MUC6: variants seen among roughly 807,000 people sequenced by gnomAD.
MUC6 encodes mucin-6.
A neutral mutation model predicts 201.5 loss-of-function variants in MUC6; 188 were observed. The ratio of observed to expected loss-of-function variants is 0.93; its 90% CI spans 0.83 to 1.05. The LOEUF is 1.05. Ranked by LOEUF, MUC6 falls within the 50% of genes least tolerant of loss-of-function variation. The pLI, the probability that MUC6 is intolerant of heterozygous loss-of-function variation, is 0.00. For synonymous variants in MUC6, 1,228 were observed against 1,389.4 expected, an observed-to-expected ratio of 0.88 and a Z score of 2.58; for missense variants, 2,706 against 3,256.9, an observed-to-expected ratio of 0.83 and a Z score of 4.12.
chr11:1,019,790 T>G lies in MUC6; in HGVS notation c.3809-294A>C. 7 of 620,750 alleles carry G rather than the reference T, an allele frequency of 1.1e-5. No homozygotes were observed. In the South Asian group the frequency reaches 1.4e-4, roughly 12 times the overall value. 38.5% of individuals were successfully genotyped at this position (620,750 alleles called of 1,614,324 possible). ...CCCTCCAGGGTCCCTGGGCAGCAGA[T>G]GGGGCCCTGCTCGGTGTGGGGCAGG... On this transcript the variant is annotated intron_variant, in intron 29 of 32. Transcript: ENST00000421673.
intron 1 of MUC6, among the ~76,000 whole-genome samples, chr11:1,034,707 G>T (rs1032105839): frequency 6.6e-6 from 1 of 152,202 alleles, no homozygotes; most frequent in African/African-American, 2.4e-5. Flanking sequence ...CCACCTTTCC[G>T]ATGGGGGGTG....
rs755751011 is a variant in MUC6, at chr11:1,033,162, G to A, written c.53-87C>T. 116 of 1,330,406 alleles carry A rather than the reference G, an allele frequency of 8.7e-5. No homozygotes were observed. Among genetic ancestry groups the A allele is most frequent in the East Asian group, 1.6e-4 (7 of 43,084 alleles). 82.4% of individuals were successfully genotyped at this position (1,330,406 alleles called of 1,614,324 possible). ...ACCTCTGCTCAGGGCTGCTCCGCCCGTTTCCCTGCACACACTCGGCGTGCG... is the reference window on the plus strand; with the variant it reads ...ACCTCTGCTCAGGGCTGCTCCGCCCATTTCCCTGCACACACTCGGCGTGCG... On this transcript the variant is annotated intron_variant, in intron 1 of 32. Transcript: ENST00000421673. This position sits in a 1 kb window ranked among gnomAD's most constrained non-coding sequence, Gnocchi z 5.6.
At chr11:1,025,768 C>T (rs1244970400) in intron 22 of MUC6, 37 bp downstream of exon 22, 4 of 1,564,210 alleles carry the variant, frequency 2.6e-6, no homozygotes, top group Non-Finnish European at 1.7e-6. Flanking sequence ...CCCCCTACCG[C>T]CCGTCCTGCC....
chr11:1,013,863 G>C (rs2133809426), intron 32 of MUC6, 36 bp downstream of exon 32: 1 of 1,569,298 alleles, frequency 6.4e-7, no homozygotes, highest in Non-Finnish European at 8.6e-7. Context: ...GAGCACCTTG[G>C]TGGACGTGGG....
At position 1,018,509 on chromosome 11, in the gene MUC6, G is replaced by A. The variant is rs1320779211; in HGVS notation, c.4292C>T (p.Thr1431Ile). 1.9e-6 allele frequency: 3 copies of A among 1,613,770 alleles called. No homozygotes were observed. Among genetic ancestry groups the A allele is most frequent in the African/African-American group, 2.7e-5 (2 of 74,910 alleles). Residue 1431 changes from threonine to isoleucine, a missense_variant, in exon 31 of 33, where the codon ACT becomes ATT. Transcript: ENST00000421673. ...AGGGTGTGATGGGGTTGGATAGGTAGTGGTGGCATGGAAAGATGTTGCAGT... is the reference window on the plus strand; with the variant it reads ...AGGGTGTGATGGGGTTGGATAGGTAATGGTGGCATGGAAAGATGTTGCAGT... The part of the protein sequence containing the change: ...PVTATSFHAT[T>I]TYPTPSHPET...
In MUC6 at chr11:1,026,315, G is replaced by A; in HGVS notation, c.2546+12C>T. On this transcript the variant is annotated intron_variant, in intron 20 of 32. Transcript: ENST00000421673. ...AGGAGCCCAGGGCGTCTGAAGCGAGGCTTTGTCTCACCAGGTCCTGCAGTC... is the reference window on the plus strand; with the variant it reads ...AGGAGCCCAGGGCGTCTGAAGCGAGACTTTGTCTCACCAGGTCCTGCAGTC... The A allele has an allele frequency of 6.4e-7, 1 of 1,566,174 alleles. No homozygotes were observed. The highest frequency in any genetic ancestry group is 8.6e-7 in the Non-Finnish European group (1 of 1,156,592).
intron 30 of MUC6, 84 bp downstream of exon 30, chr11:1,019,187 CTTCT>C: frequency 1.4e-6 from 2 of 1,423,282 alleles, no homozygotes; most frequent in South Asian, 2.4e-5. Flanking sequence ...AATACGGGGT[CTTCT>C]TTATGGCTGA....
intron 19 of MUC6, 138 bp from the exon 20 acceptor site, chr11:1,026,616 G>T: frequency 3.5e-6 from 4 of 1,145,814 alleles, no homozygotes; most frequent in Non-Finnish European, 4.8e-6. Flanking sequence ...GCCTTTGTGG[G>T]CAGCTGGGCT....
In MUC6 at chr11:1,027,135, A is replaced by G. The variant is rs1295357375; in HGVS notation, c.2284+6T>C. Reference sequence around the variant, plus strand: ...CCCAGCCTGCGGCCAGCGCTGCTGTACGTACCCAGGAACATCTGTGGCCGC... The same window carrying G: ...CCCAGCCTGCGGCCAGCGCTGCTGTGCGTACCCAGGAACATCTGTGGCCGC... On this transcript the variant is annotated splice_donor_region_variant and intron_variant, in intron 18 of 32. Transcript: ENST00000421673. 2 of 1,612,352 alleles carry G rather than the reference A, an allele frequency of 1.2e-6. No individual in the cohort carries two copies. The highest frequency in any genetic ancestry group is 2.7e-5 in the African/African-American group (2 of 74,996).
intron 8 of MUC6, among the ~76,000 whole-genome samples, 163 bp downstream of exon 8, chr11:1,030,050 C>T (rs921674826): frequency 2.0e-5 from 3 of 151,900 alleles, no homozygotes; most frequent in African/African-American, 7.3e-5. Context: ...TGTAAGCGTC[C>T]AGGCGGGAAA....
At position 1,020,867 on chromosome 11, in the gene MUC6, C is replaced by T. The variant is rs576517323; in HGVS notation, c.3590-133G>A. On this transcript the variant is annotated intron_variant, in intron 27 of 32. Transcript: ENST00000421673. The stretch of plus-strand genomic sequence containing the variant: ...TGGAGGGGACTGGAGGGGCTGGGAG[C>T]CCACCCTCCCCTCTCTCCCTTTCTC... The T allele has an allele frequency of 2.4e-4, 271 of 1,135,378 alleles. 2 individuals carry two copies. In the East Asian group the frequency reaches 6.4e-3, roughly 27 times the overall value. The allele number at this position is 1,135,378 out of a possible 1,614,324, so 70.3% of individuals were successfully genotyped here. A position where few individuals can be genotyped will look rare whatever the true frequency, so the allele number is the denominator to read the frequency against.
rs756257302 is a variant in MUC6 at position 1,028,275 on chromosome 11, C to T, written c.1704G>A (p.Pro568=). 23 of 1,602,624 alleles carry T rather than the reference C, an allele frequency of 1.4e-5. No individual in the cohort carries two copies. The highest frequency in any genetic ancestry group is 4.5e-5 in the East Asian group (2 of 44,222). The change falls in exon 14 of 33, where the codon CCG becomes CCA. Residue 568 remains proline (P), a synonymous_variant. Coordinates refer to ENST00000421673, the MANE Select transcript of MUC6 (RefSeq NM_005961.3). The stretch of plus-strand genomic sequence containing the variant: ...GGTCAGTCTCACGCTCCAGAGCGGC[C>T]GGACAGTTCCCCGCCCGCCAGGAGT... ...FVDSWRAGNC[P]AALERETDPC...
chr11:1,014,506 G>T (rs1258500583), intron 31 of MUC6, among the ~76,000 whole-genome samples: 1 of 152,200 alleles, frequency 6.6e-6, no homozygotes, highest in Non-Finnish European at 1.5e-5. Context: ...GCTCCTGGAA[G>T]GGGCGGGGTG....
intron 2 of MUC6, among the ~76,000 whole-genome samples, chr11:1,032,486 G>A (rs1227232269): frequency 6.6e-6 from 1 of 151,832 alleles, no homozygotes; most frequent in Non-Finnish European, 1.5e-5. Context: ...TGTGTGTCGA[G>A]TGCATGTGTG....
Position 1,024,054 on chromosome 11 carries a change from C to G in MUC6, c.3275G>C (p.Cys1092Ser). 1 of 1,613,138 alleles carries G rather than the reference C, an allele frequency of 6.2e-7. No individual in the cohort carries two copies. Among genetic ancestry groups the G allele is most frequent in the South Asian group, 1.1e-5 (1 of 91,080 alleles). Residue 1092 changes from cysteine to serine, a missense_variant, in exon 25 of 33, where the codon TGT (cysteine) becomes TCT (serine). Cys to Ser is a moderately radical substitution (Grantham distance 112, BLOSUM62 -1). This residue lies in a region of MUC6 where 1,850 missense variants were observed against 1,958.3 expected (regional missense o/e 0.94). Coordinates refer to ENST00000421673, the MANE Select transcript of MUC6 (RefSeq NM_005961.3). ...ACACTCACAGTCCCCGCCACTGTCA[C>G]ACCCACATGCGTCGCGCACGCAGGC... ...YEACVRDACGCDSGGDCECLC... is the reference protein window; with the variant it reads ...YEACVRDACGSDSGGDCECLC...
chr11:1,032,948 CCT>C (rs1380765152), intron 2 of MUC6, 63 bp downstream of exon 2: 86 of 1,465,594 alleles, frequency 5.9e-5, no homozygotes, highest in Non-Finnish European at 7.7e-5. Context: ...GCTCCGGGCC[CCT>C]CTCTCCTGCA....
At chr11:1,013,772 C>T in intron 32 of MUC6, 127 bp downstream of exon 32, 1 of 1,387,562 alleles carries the variant, frequency 7.2e-7, no homozygotes, top group Non-Finnish European at 9.9e-7. Context: ...CGGTGTTGGG[C>T]AGATGGAGCG....
At chr11:1,035,890 G>C (rs1857204451) in intron 1 of MUC6, among the ~76,000 whole-genome samples, 1 of 152,292 alleles carries the variant, frequency 6.6e-6, no homozygotes, top group South Asian at 2.1e-4. Context: ...CCAGGTCTCA[G>C]GCTGCGGCCA....
Position 1,016,448 on chromosome 11 carries a change from G to A in MUC6, c.6353C>T (p.Thr2118Ile), listed in dbSNP as rs1439045095. Residue 2118 changes from threonine (T) to isoleucine (I), a missense_variant, in exon 31 of 33, where the codon ACC becomes ATC. This residue lies in a region of MUC6 where 586 missense variants were observed against 488.0 expected (regional missense o/e 1.20). Coordinates refer to ENST00000421673, the MANE Select transcript of MUC6 (RefSeq NM_005961.3). ...CTGATTAGTTGTGGAAACAGGAGTG[G>A]TTGCAGAACTCAAGTGGGGGAGTTG... ...TTQLPHLSSATTPVSTTNQLS... is the reference protein window; with the variant it reads ...TTQLPHLSSAITPVSTTNQLS... 5.0e-6 allele frequency: 8 copies of A among 1,613,942 alleles called. No individual in the cohort carries two copies. Among genetic ancestry groups the A allele is most frequent in the South Asian group, 1.1e-5 (1 of 91,082 alleles).
Sources: gnomAD v4.1 joint callset for allele counts (sites outside exome capture counted in the v4.1 genomes callset) on GRCh38, gnomAD v4.1.1 for gene constraint, gnomAD v4.1.1 regional missense constraint, Gnocchi (gnomAD v3.1) non-coding constraint, MANE v1.5 for transcripts, NCBI Gene and HGNC (gene_info 2026-07-23, HGNC 2026-07-21) for gene names.